The following NAIP variants were observed in gnomAD, a reference collection of about 807,000 sequenced individuals.
NAIP encodes NLR family apoptosis inhibitory protein.
In NAIP, 15 loss-of-function variants were observed where a neutral mutation model predicts 23.0. The observed-to-expected ratio is 0.65, with a 90% CI of 0.44 to 1.00. The LOEUF (loss-of-function observed/expected upper bound fraction) is 1.00. Ranked by LOEUF, NAIP falls within the 50% of genes least tolerant of loss-of-function variation. NAIP has a pLI of 0.00. For synonymous variants in NAIP, 100 were observed against 100.2 expected (o/e 1.00, Z 0.01); for missense variants, 265 against 278.8 (o/e 0.95, Z 0.35).
rs1480822925 is a variant in NAIP, at chr5:71,012,329, G to A, written c.568+19C>T. 3 of 1,558,724 alleles carry A rather than the reference G, an allele frequency of 1.9e-6. No homozygotes were observed. Among genetic ancestry groups the A allele is most frequent in the South Asian group, 1.2e-5 (1 of 84,430 alleles). On this transcript the variant is annotated intron_variant, in intron 4 of 16. Coordinates refer to ENST00000517649, the MANE Select transcript of NAIP (RefSeq NM_004536.3). ...CTTAAAACGCCAGAGAAACACTTCA[G>A]AGAATAATTTCAAGGTACCTGTAAA...
intron 3 of NAIP, among the ~76,000 whole-genome samples, chr5:71,014,268 C>A (rs781476410): frequency 6.6e-6 from 1 of 151,114 alleles, no homozygotes. Context: ...CGGCTAATTT[C>A]TGTATTTTTA....
Position 71,013,546 on chromosome 5 carries a change from A to G in NAIP, c.-3-628T>C, listed in dbSNP as rs542083371. On this transcript the variant is annotated intron_variant, in intron 3 of 16. Coordinates refer to ENST00000517649, the MANE Select transcript of NAIP (RefSeq NM_004536.3). The stretch of plus-strand genomic sequence containing the variant: ...TCCCAGCTACTCGGGAGGCTGAGGC[A>G]GGAGAATGGCGTGAACCCAGGAGGT... Among the ~76,000 whole-genome samples the G allele has an allele frequency of 6.6e-5, 10 of 150,624 alleles. No homozygotes were observed. The South Asian group carries it at 2.1e-3, about 32-fold the overall frequency.
chr5:71,014,988 T>C (rs1006871140), intron 3 of NAIP, among the ~76,000 whole-genome samples: 1 of 151,734 alleles, frequency 6.6e-6, no homozygotes, highest in African/African-American at 2.4e-5. Context: ...AGCAAGATAA[T>C]TTAAATGTCC....
intron 5 of NAIP, among the ~76,000 whole-genome samples, chr5:71,008,083 T>C (rs1396812441): frequency 7.7e-6 from 1 of 130,240 alleles, no homozygotes. Context: ...TTTTTTTTTT[T>C]TTTTGAGATG....
At chr5:71,013,568 A>G (rs1285071945) in intron 3 of NAIP, among the ~76,000 whole-genome samples, 2 of 146,244 alleles carry the variant, frequency 1.4e-5, no homozygotes, top group Admixed American at 7.0e-5. Context: ...TGAACCCAGG[A>G]GGTGGAGCTT....
intron 3 of NAIP, among the ~76,000 whole-genome samples, chr5:71,017,409 G>T (rs1487332082): frequency 8.9e-6 from 1 of 112,134 alleles, no homozygotes; most frequent in Non-Finnish European, 2.1e-5. Flanking sequence ...TCATCCTAAA[G>T]GTTTATTTGT....
Position 71,009,517 on chromosome 5 carries a change from C to T in NAIP, c.668+1758G>A, listed in dbSNP as rs778555464. 4.3e-4 allele frequency among the ~76,000 whole-genome samples: 65 copies of T among 151,022 alleles called. 3 individuals are homozygous for T. Among genetic ancestry groups the T allele is most frequent in the Non-Finnish European group, 8.9e-4 (60 of 67,684 alleles). On this transcript the variant is annotated intron_variant, in intron 5 of 16. Transcript: ENST00000517649. ...ACCAGCCTGGGCAACATGATGAAACCGCATCTCTACTAAAATTACAAAAAT... is the reference window on the plus strand; with the variant it reads ...ACCAGCCTGGGCAACATGATGAAACTGCATCTCTACTAAAATTACAAAAAT...
chr5:71,011,470 A>C (rs1347088105), intron 4 of NAIP, 96 bp from the exon 5 acceptor site: 13 of 1,039,650 alleles, frequency 1.3e-5, no homozygotes, highest in Non-Finnish European at 1.9e-5. Context: ...GACAAGCTCC[A>C]GCGTGGCTGT....
chr5:70,972,941 C>G (rs1461837720), intron 16 of NAIP, among the ~76,000 whole-genome samples: 1 of 59,836 alleles, frequency 1.7e-5, no homozygotes, highest in Non-Finnish European at 3.0e-5. Context: ...CGTTCTGTTG[C>G]CCAGGCTGGA....
intron 5 of NAIP, among the ~76,000 whole-genome samples, chr5:71,011,007 T>C (rs1751125441): frequency 6.6e-6 from 1 of 150,914 alleles, no homozygotes; most frequent in Non-Finnish European, 1.5e-5. Flanking sequence ...CCTAGGTGGG[T>C]GGACTGCCTG....
At chr5:71,012,318 G>T in intron 4 of NAIP, 30 bp downstream of exon 4, 1 of 1,537,454 alleles carries the variant, frequency 6.5e-7, no homozygotes, top group Non-Finnish European at 8.8e-7. Flanking sequence ...AAACGCCAGA[G>T]AAACACTTCA....
chr5:71,011,560 TAGGTACAGAACCCTA>T (rs1374526754), intron 4 of NAIP, among the ~76,000 whole-genome samples, 186 bp from the exon 5 acceptor site: 1 of 151,446 alleles, frequency 6.6e-6, no homozygotes, highest in Admixed American at 6.6e-5. Flanking sequence ...AGCCGTGCTC[TAGGTACAGAACCCTA>T]AGCTGTGTAA....
In NAIP at chr5:70,979,592, ATAAT is replaced by A. The variant is rs1750474281; in HGVS notation, c.3442+273_3442+276del. Among the ~76,000 whole-genome samples, 4 of 66,696 alleles carry A rather than the reference ATAAT, an allele frequency of 6.0e-5. 1 individual carries two copies. Among genetic ancestry groups the A allele is most frequent in the Admixed American group, 1.8e-4 (1 of 5,588 alleles). The allele number at this position is 66,696 out of a possible 152,430, so 43.8% of individuals were successfully genotyped here. ...TGTCTCAAAAAAAAAAAAAATAATA[ATAAT>A]AATAATAATAATAATAGTACTTCAT... is the stretch of plus-strand genomic sequence containing the variant. On this transcript the variant is annotated intron_variant, in intron 13 of 16. Transcript: ENST00000517649.
chr5:71,011,612 C>G (rs772499538), intron 4 of NAIP: 31 of 541,868 alleles, frequency 5.7e-5, no homozygotes, highest in Middle Eastern at 2.7e-4. Context: ...AGCTGCCCCC[C>G]AGAGCTGGTA....
intron 3 of NAIP, among the ~76,000 whole-genome samples, chr5:71,015,067 T>C (rs1426070322): frequency 6.6e-6 from 1 of 151,572 alleles, no homozygotes; most frequent in Non-Finnish European, 1.5e-5. Context: ...GATTTTCTCC[T>C]GAAATAGGAA....
Position 71,012,930 on chromosome 5 carries a change from A to G in NAIP, c.-3-12T>C, listed in dbSNP as rs1368059869. 3.2e-6 allele frequency: 5 copies of G among 1,562,072 alleles called. No homozygotes were observed. The Admixed American group carries it at 5.9e-5, about 19-fold the overall frequency. On this transcript the variant is annotated splice_polypyrimidine_tract_variant and intron_variant, in intron 3 of 16. Coordinates refer to ENST00000517649, the MANE Select transcript of NAIP (RefSeq NM_004536.3). ...TGGGTGGCCATTTTCTGAAAAGGAAAATAAAGCAGGTTGATCCCTTATAGT... is the reference window on the plus strand; with the variant it reads ...TGGGTGGCCATTTTCTGAAAAGGAAGATAAAGCAGGTTGATCCCTTATAGT...
In NAIP at chr5:71,012,883, C is replaced by T; in HGVS notation, c.33G>A (p.Arg11=). 6.2e-7 allele frequency: 1 copy of T among 1,606,766 alleles called. No homozygotes were observed. The highest frequency in any genetic ancestry group is 8.5e-7 in the Non-Finnish European group (1 of 1,176,432). The change falls in exon 4 of 17, where the codon AGG becomes AGA. Residue 11 remains arginine, a synonymous_variant. Coordinates refer to ENST00000517649, the MANE Select transcript of NAIP (RefSeq NM_004536.3). MATQQKASDE[R]ISQFDHNLLP... ...GCAAATTGTGATCAAACTGGGAGATCCTCTCGTCAGAGGCTTTCTGCTGGG... is the reference window on the plus strand; with the variant it reads ...GCAAATTGTGATCAAACTGGGAGATTCTCTCGTCAGAGGCTTTCTGCTGGG...
intron 16 of NAIP, among the ~76,000 whole-genome samples, chr5:70,972,204 C>CT (rs1210495957): frequency 3.0e-4 from 2 of 6,612 alleles, no homozygotes; most frequent in Non-Finnish European, 2.5e-4. Context: ...TGCTAAACCT[C>CT]TTTTTTTTTC....
intron 3 of NAIP, among the ~76,000 whole-genome samples, chr5:71,016,254 ACTATACTCCAG>A (rs1751441957): frequency 6.8e-6 from 1 of 148,124 alleles, no homozygotes. Context: ...TGATTGCAGT[ACTATACTCCAG>A]CCTGGACAAC....
Sources: allele counts gnomAD v4.1 joint callset (sites outside exome capture counted in the v4.1 genomes callset), GRCh38; gene constraint gnomAD v4.1.1; transcripts MANE v1.5; gene names NCBI Gene and HGNC (gene_info 2026-07-23, HGNC 2026-07-21).